KCND2: variants seen among roughly 807,000 people sequenced by gnomAD.
KCND2 encodes potassium voltage-gated channel subfamily D member 2, also known as A-type voltage-gated potassium channel KCND2.
Under a neutral mutation model 54.4 loss-of-function variants are expected in KCND2, and 16 were observed. That is an observed-to-expected ratio of 0.29 (90% confidence interval 0.20 to 0.45). KCND2 has a LOEUF of 0.45. Ranked by LOEUF, KCND2 falls within the 20% of genes least tolerant of loss-of-function variation. The pLI, the probability that KCND2 is intolerant of heterozygous loss-of-function variation, is 1.00. For missense variants in KCND2, 486 were observed against 824.2 expected, an observed-to-expected ratio of 0.59 and a Z score of 5.02; for synonymous variants, 317 against 310.7, an observed-to-expected ratio of 1.02 and a Z score of -0.21.
At chr7:120,667,569 G>A (rs1224516387) in intron 1 of KCND2, among the ~76,000 whole-genome samples, 1 of 152,030 alleles carries the variant, frequency 6.6e-6, no homozygotes, top group African/African-American at 2.4e-5. Flanking sequence ...GCACCAGGTT[G>A]AGTGAGATTA....
At chr7:120,703,365 A>G (rs1278829000) in intron 1 of KCND2, among the ~76,000 whole-genome samples, 2 of 152,152 alleles carry the variant, frequency 1.3e-5, no homozygotes, top group African/African-American at 4.8e-5. Flanking sequence ...CAACCTCCAG[A>G]TGGTGATTTT....
intron 1 of KCND2, among the ~76,000 whole-genome samples, chr7:120,660,444 A>G (rs1405333562): frequency 6.6e-6 from 1 of 152,180 alleles, no homozygotes; most frequent in Non-Finnish European, 1.5e-5. Context: ...TTTTCCCTAT[A>G]TATTATTACC....
At position 120,500,040 on chromosome 7, in the gene KCND2, A is replaced by C. The variant is rs929630353; in HGVS notation, c.1115+224293A>C. The stretch of plus-strand genomic sequence containing the variant: ...AAGAACTTAAATCAATACTATCTTT[A>C]ATTTGCATCTTCATGAAATTATATA... On this transcript the variant is annotated intron_variant, in intron 1 of 5. Transcript: ENST00000331113. 1.7e-4 allele frequency among the ~76,000 whole-genome samples: 26 copies of C among 152,164 alleles called. No homozygotes were observed. The South Asian group carries it at 3.1e-3, about 18-fold the overall frequency.
chr7:120,747,033 A>G (rs1793015951), intron 5 of KCND2: 1 of 152,102 alleles, frequency 6.6e-6, no homozygotes, highest in African/African-American at 2.4e-5. Flanking sequence ...TTAGGACATA[A>G]ACATCTTAAT....
chr7:120,426,863 G>T (rs957867652), intron 1 of KCND2, among the ~76,000 whole-genome samples: 1 of 151,978 alleles, frequency 6.6e-6, no homozygotes, highest in Admixed American at 6.6e-5. Context: ...CTCGTGATCC[G>T]CCCGCTTCAG....
chr7:120,709,476 A>G (rs1312070883), intron 1 of KCND2, among the ~76,000 whole-genome samples: 3 of 152,200 alleles, frequency 2.0e-5, no homozygotes, highest in Admixed American at 6.5e-5. Flanking sequence ...TTAATTATGC[A>G]CACATTAGAT....
At chr7:120,307,996 G>T (rs1799672921) in intron 1 of KCND2, among the ~76,000 whole-genome samples, 1 of 152,054 alleles carries the variant, frequency 6.6e-6, no homozygotes, top group Non-Finnish European at 1.5e-5. Context: ...TATGATACAA[G>T]CCTTTTTTTG....
chr7:120,400,648 C>G (rs1341205235), intron 1 of KCND2, among the ~76,000 whole-genome samples: 1 of 152,034 alleles, frequency 6.6e-6, no homozygotes, highest in African/African-American at 2.4e-5. Flanking sequence ...ACTGTGTTTA[C>G]CAACAATCCT....
chr7:120,367,064 C>T (rs543336987), intron 1 of KCND2, among the ~76,000 whole-genome samples: 3 of 152,120 alleles, frequency 2.0e-5, no homozygotes, highest in Admixed American at 6.6e-5. Flanking sequence ...GCCGCTATTG[C>T]ATGCATATTA....
chr7:120,412,383 T>A (rs972305389), intron 1 of KCND2, among the ~76,000 whole-genome samples: 9 of 152,040 alleles, frequency 5.9e-5, no homozygotes, highest in African/African-American at 1.9e-4. Flanking sequence ...CATTTCCTTT[T>A]CATATGTATT....
intron 1 of KCND2, among the ~76,000 whole-genome samples, chr7:120,513,955 A>G (rs1029954784): frequency 6.6e-6 from 1 of 152,132 alleles, no homozygotes; most frequent in African/African-American, 2.4e-5. Flanking sequence ...TTAATGTGTT[A>G]TTATTAACAA....
chr7:120,533,383 G>A (rs536012505), intron 1 of KCND2, among the ~76,000 whole-genome samples: 5 of 152,070 alleles, frequency 3.3e-5, no homozygotes, highest in South Asian at 2.1e-4. Flanking sequence ...AGATGTCATC[G>A]CCATAGTTTC....
At chr7:120,443,149 T>G (rs920218409) in intron 1 of KCND2, among the ~76,000 whole-genome samples, 7 of 152,136 alleles carry the variant, frequency 4.6e-5, no homozygotes, top group Admixed American at 4.6e-4. Context: ...GGATGAGCTG[T>G]GCTACTCAAC....
intron 1 of KCND2, among the ~76,000 whole-genome samples, chr7:120,462,918 G>A (rs1802304494): frequency 6.6e-6 from 1 of 152,026 alleles, no homozygotes; most frequent in Admixed American, 6.6e-5. Flanking sequence ...AATCATGGTT[G>A]TACTCTGCTT....
At chr7:120,626,680 G>C (rs1490609240) in intron 1 of KCND2, among the ~76,000 whole-genome samples, 1 of 152,170 alleles carries the variant, frequency 6.6e-6, no homozygotes, top group Non-Finnish European at 1.5e-5. Flanking sequence ...TGCACATTAA[G>C]ATGTATAGAT....
intron 1 of KCND2, among the ~76,000 whole-genome samples, chr7:120,673,912 T>TA (rs975888871): frequency 1.3e-5 from 2 of 151,634 alleles, no homozygotes; most frequent in Non-Finnish European, 2.9e-5. Context: ...TTTATTTATT[T>TA]TTTTTTTTTT....
chr7:120,716,566 A>G (rs557625472), intron 1 of KCND2, among the ~76,000 whole-genome samples: 1 of 152,258 alleles, frequency 6.6e-6, no homozygotes, highest in African/African-American at 2.4e-5. Flanking sequence ...TAGACAAACA[A>G]ATACCCCTTT....
At chr7:120,344,969 T>A (rs1036792441) in intron 1 of KCND2, among the ~76,000 whole-genome samples, 2 of 152,126 alleles carry the variant, frequency 1.3e-5, no homozygotes, top group African/African-American at 4.8e-5. Context: ...AATAAGTTCC[T>A]TGCAAGACAA....
At chr7:120,661,887 G>C (rs1791870239) in intron 1 of KCND2, among the ~76,000 whole-genome samples, 1 of 152,162 alleles carries the variant, frequency 6.6e-6, no homozygotes, top group African/African-American at 2.4e-5. Context: ...GGATAACACT[G>C]AGCTACAGGT....
Sources: allele counts gnomAD v4.1 joint callset (sites outside exome capture counted in the v4.1 genomes callset), GRCh38; gene constraint gnomAD v4.1.1; transcripts MANE v1.5; gene names NCBI Gene and HGNC (gene_info 2026-07-23, HGNC 2026-07-21).